SLC7A13: variants seen among roughly 807,000 people sequenced by gnomAD.
The protein encoded by SLC7A13 is X-amino acid transporter 2.
Under a neutral mutation model 32.0 loss-of-function variants are expected in SLC7A13, and 31 were observed. The ratio of observed to expected loss-of-function variants is 0.97; its 90% CI spans 0.73 to 1.31. The LOEUF is 1.31. Among genes scored for constraint, SLC7A13 ranks in the 50% most tolerant of loss-of-function variants. The probability of loss-of-function intolerance (pLI) is 0.00; values close to 1 mark genes in which losing one functional copy is unlikely to be tolerated. For missense variants in SLC7A13, 633 were observed against 546.9 expected, an observed-to-expected ratio of 1.16 and a Z score of -1.57; for synonymous variants, 232 against 206.9, an observed-to-expected ratio of 1.12 and a Z score of -1.04.
At position 86,223,010 on chromosome 8, in the gene SLC7A13, T is replaced by C. The variant is rs575933565; in HGVS notation, c.779A>G (p.Tyr260Cys). The C allele has an allele frequency of 6.2e-7, 1 of 1,608,916 alleles. No individual in the cohort carries two copies. Among genetic ancestry groups the C allele is most frequent in the South Asian group, 1.1e-5 (1 of 90,030 alleles). The change falls in exon 2 of 4, where the codon TAT becomes TGT. Residue 260 changes from tyrosine to cysteine, a missense_variant. Transcript: ENST00000297524. ...TTCCCTGGGTGTCAGAACAGTCAGA[T>C]AGGAAATGTTAACCAGTAAATAAAC... Reference protein sequence around the residue: ...TVVYLLVNISYLTVLTPREIL... With the variant: ...TVVYLLVNISCLTVLTPREIL...
rs913501777 is a variant in SLC7A13, at chr8:86,214,150, G to A, written c.*263C>T. ...AGAAAAAAAAAGTGAGAGAATGGAA[G>A]TTGTATAATCACTCTATCAAGCTAC... On this transcript the variant is annotated 3_prime_UTR_variant, in exon 4 of 4. Coordinates refer to ENST00000297524, the MANE Select transcript of SLC7A13 (RefSeq NM_138817.3). 2 of 256,318 alleles carry A rather than the reference G, an allele frequency of 7.8e-6. No homozygotes were observed. Among genetic ancestry groups the A allele is most frequent in the Non-Finnish European group, 1.5e-5 (2 of 135,952 alleles). The allele number at this position is 256,318 out of a possible 1,614,324, so 15.9% of individuals were successfully genotyped here. A position where few individuals can be genotyped will look rare whatever the true frequency, so the allele number is the denominator to read the frequency against.
At chr8:86,223,223 G>T in intron 1 of SLC7A13, 120 bp from the exon 2 acceptor site, 1 of 981,364 alleles carries the variant, frequency 1.0e-6, no homozygotes, top group Non-Finnish European at 1.4e-6. Flanking sequence ...ATTTTATTAT[G>T]TGGATAGGTT....
At chr8:86,226,561 C>T (rs1357507975) in intron 1 of SLC7A13, among the ~76,000 whole-genome samples, 1 of 152,178 alleles carries the variant, frequency 6.6e-6, no homozygotes, top group Non-Finnish European at 1.5e-5. Flanking sequence ...GGCTTCCTCA[C>T]TGAATCTTCT....
intron 3 of SLC7A13, among the ~76,000 whole-genome samples, chr8:86,216,824 C>A (rs989801211): frequency 6.6e-6 from 1 of 152,164 alleles, no homozygotes; most frequent in Non-Finnish European, 1.5e-5. Flanking sequence ...TAAAGGTGAT[C>A]ATCCAAGCAA....
chr8:86,214,657 C>G lies in SLC7A13; in HGVS notation c.1180-11G>C, dbSNP rs759190047. ...AAATGACAAAAACACCTGAAAAGAG[C>G]AAAGTTTGAAAAAATATTGGATATG... On this transcript the variant is annotated splice_polypyrimidine_tract_variant and intron_variant, in intron 3 of 3. Transcript: ENST00000297524. 3 of 1,582,150 alleles carry G rather than the reference C, an allele frequency of 1.9e-6. No homozygotes were observed. Among genetic ancestry groups the G allele is most frequent in the Non-Finnish European group, 2.6e-6 (3 of 1,163,240 alleles).
At chr8:86,226,597 G>A (rs1326769496) in intron 1 of SLC7A13, among the ~76,000 whole-genome samples, 2 of 152,070 alleles carry the variant, frequency 1.3e-5, no homozygotes, top group Non-Finnish European at 2.9e-5. Flanking sequence ...TTAAAAGTTG[G>A]CATTGTCCAG....
intron 1 of SLC7A13, 139 bp downstream of exon 1, chr8:86,229,454 G>T: frequency 1.2e-6 from 1 of 806,852 alleles, no homozygotes; most frequent in Non-Finnish European, 1.9e-6. Flanking sequence ...GTGCCAGGCT[G>T]GCATGATCTG....
At position 86,217,925 on chromosome 8, in the gene SLC7A13, CTT is replaced by C. The variant is rs1820220281; in HGVS notation, c.818-96_818-95del. Reference sequence around the variant, plus strand: ...TATTATTTCAAAATGAAAACAGAAACTTAAGTAATTAATAACATTTAGTTTGC... The same window carrying C: ...TATTATTTCAAAATGAAAACAGAAACAAGTAATTAATAACATTTAGTTTGC... On this transcript the variant is annotated intron_variant, in intron 2 of 3. Transcript: ENST00000297524. The C allele has an allele frequency of 6.2e-6, 8 of 1,298,616 alleles. No homozygotes were observed. In the African/African-American group the frequency reaches 9.1e-5, roughly 15 times the overall value. The allele number at this position is 1,298,616 out of a possible 1,614,324, so 80.4% of individuals were successfully genotyped here. A position where few individuals can be genotyped will look rare whatever the true frequency, so the allele number is the denominator to read the frequency against.
intron 3 of SLC7A13, chr8:86,215,470 G>A (rs933797527): frequency 4.3e-6 from 1 of 232,668 alleles, no homozygotes; most frequent in Non-Finnish European, 8.8e-6. Context: ...GATGGATCAC[G>A]AGATCAGGAG....
At position 86,217,494 on chromosome 8, in the gene SLC7A13, T is replaced by C. The variant is rs202015119; in HGVS notation, c.1155A>G (p.Glu385=). The change falls in exon 3 of 4, where the codon GAA becomes GAG. Residue 385 remains glutamate, a synonymous_variant. Transcript: ENST00000297524. The stretch of plus-strand genomic sequence containing the variant: ...CCTTATAAGGTATAGATAGATTGGG[T>C]TCCTGGTATCTCCGCCTTAGTATTC... ...MIGILRRRYQ[E]PNLSIPYKVF... 2 of 1,588,490 alleles carry C rather than the reference T, an allele frequency of 1.3e-6. No homozygotes were observed. The highest frequency in any genetic ancestry group is 2.2e-5 in the East Asian group (1 of 44,684).
chr8:86,223,211 T>C (rs771935889), intron 1 of SLC7A13, 108 bp from the exon 2 acceptor site: 66 of 1,114,192 alleles, frequency 5.9e-5, no homozygotes, highest in Non-Finnish European at 7.5e-5. Context: ...GGTACAAGCA[T>C]GATTTTATTA....
intron 1 of SLC7A13, among the ~76,000 whole-genome samples, chr8:86,229,351 T>C (rs917144063): frequency 8.5e-5 from 13 of 152,126 alleles, no homozygotes; most frequent in Non-Finnish European, 7.3e-5. Flanking sequence ...GTCCCATACC[T>C]GTGGTCCCAG....
In SLC7A13 at chr8:86,230,096, A is replaced by T; in HGVS notation, c.182T>A (p.Met61Lys). ...CTCTGCAGAGCAAAGAGTTGATGTCATGGCCAGTATGGCACAGCCAGCCCA... is the reference window on the plus strand; with the variant it reads ...CTCTGCAGAGCAAAGAGTTGATGTCTTGGCCAGTATGGCACAGCCAGCCCA... ...CVWAGCAILA[M>K]TSTLCSAEIS... is the part of the protein sequence containing the mutation. Residue 61 changes from methionine (M) to lysine (K), a missense_variant, in exon 1 of 4, where the codon ATG (methionine) becomes AAG (lysine). Met to Lys is a moderately conservative substitution (Grantham distance 95). Coordinates refer to ENST00000297524, the MANE Select transcript of SLC7A13 (RefSeq NM_138817.3). The T allele has an allele frequency of 6.2e-7, 1 of 1,614,210 alleles. No individual in the cohort carries two copies. Among genetic ancestry groups the T allele is most frequent in the Non-Finnish European group, 8.5e-7 (1 of 1,180,050 alleles).
chr8:86,217,868 TAAAAG>T (rs1276694620), intron 2 of SLC7A13, 37 bp from the exon 3 acceptor site: 1 of 1,499,838 alleles, frequency 6.7e-7, no homozygotes, highest in Admixed American at 2.5e-5. Flanking sequence ...GAAAATGTGT[TAAAAG>T]AGAAATACTA....
chr8:86,224,245 GT>G (rs1744442586), intron 1 of SLC7A13, among the ~76,000 whole-genome samples: 1 of 152,130 alleles, frequency 6.6e-6, no homozygotes, highest in Admixed American at 6.6e-5. Context: ...GGCCTTTGCA[GT>G]TCCTCAACAA....
chr8:86,222,931 A>G (rs1380691617), intron 2 of SLC7A13, 41 bp downstream of exon 2: 1 of 1,541,012 alleles, frequency 6.5e-7, no homozygotes, highest in Non-Finnish European at 8.7e-7. Context: ...CGTTGAAAGG[A>G]CCAGCACTTT....
At position 86,228,563 on chromosome 8, in the gene SLC7A13, T is replaced by C. The variant is rs138563648; in HGVS notation, c.685+1030A>G. On this transcript the variant is annotated intron_variant, in intron 1 of 3. Transcript: ENST00000297524. ...TAATTTTTTAAGAAATCTGAGGAGGTGGGCAGGTGCAGTGGCTCACGCTTG... is the reference window on the plus strand; with the variant it reads ...TAATTTTTTAAGAAATCTGAGGAGGCGGGCAGGTGCAGTGGCTCACGCTTG... Among the ~76,000 whole-genome samples the C allele has an allele frequency of 1.1e-3, 162 of 151,772 alleles. 1 individual carries two copies. The highest frequency in any genetic ancestry group is 3.7e-3 in the African/African-American group (153 of 41,362).
chr8:86,214,724 T>C (rs1820148723), intron 3 of SLC7A13, 78 bp from the exon 4 acceptor site: 3 of 1,057,134 alleles, frequency 2.8e-6, no homozygotes, highest in Non-Finnish European at 4.1e-6. Context: ...TAAATAAAAA[T>C]GCAAAGATAC....
At chr8:86,215,683 G>A (rs1243156315) in intron 3 of SLC7A13, 3 of 448,500 alleles carry the variant, frequency 6.7e-6, no homozygotes, top group African/African-American at 2.0e-5. Flanking sequence ...CGACAAGAAT[G>A]AGACTCTGTC....
Sources: allele counts gnomAD v4.1 joint callset (sites outside exome capture counted in the v4.1 genomes callset), GRCh38; gene constraint gnomAD v4.1.1; transcripts MANE v1.5; gene names NCBI Gene and HGNC (gene_info 2026-07-23, HGNC 2026-07-21).